Variants in MACROH2A2 observed in about 807,000 individuals in gnomAD.
MACROH2A2 encodes core histone macro-H2A.2.
MACROH2A2 carries 6 observed loss-of-function variants against 37.6 expected under a neutral mutation model. The observed-to-expected ratio is 0.16, with a 90% CI of 0.09 to 0.32. MACROH2A2 has a LOEUF of 0.32. Ranked by LOEUF, MACROH2A2 falls within the 10% of genes least tolerant of loss-of-function variation. MACROH2A2 has a pLI of 1.00. For synonymous variants in MACROH2A2, 192 were observed against 202.7 expected (o/e 0.95, Z 0.45); for missense variants, 290 against 485.9 (o/e 0.60, Z 3.79).
intron 6 of MACROH2A2, among the ~76,000 whole-genome samples, chr10:70,097,216 G>A (rs567598214): frequency 5.9e-5 from 9 of 152,174 alleles, no homozygotes; most frequent in Admixed American, 5.2e-4. Flanking sequence ...GTTCCAGGTC[G>A]GCCTGCCTGG....
intron 7 of MACROH2A2, among the ~76,000 whole-genome samples, chr10:70,103,347 A>G (rs1396455410): frequency 6.6e-6 from 1 of 152,206 alleles, no homozygotes; most frequent in Non-Finnish European, 1.5e-5. Context: ...TCTGCACAGA[A>G]TGAGAAGCTC....
At chr10:70,061,600 C>A (rs944032480) in intron 1 of MACROH2A2, among the ~76,000 whole-genome samples, 1 of 152,128 alleles carries the variant, frequency 6.6e-6, no homozygotes. Context: ...CTTAAATGCC[C>A]CTACCCCTTG....
chr10:70,060,206 C>T (rs1418398235), intron 1 of MACROH2A2, among the ~76,000 whole-genome samples: 2 of 151,854 alleles, frequency 1.3e-5, no homozygotes, highest in Non-Finnish European at 2.9e-5. Flanking sequence ...CCCATCTCTA[C>T]TAAAAACACA....
chr10:70,092,960 T>A (rs1404095292), intron 4 of MACROH2A2, among the ~76,000 whole-genome samples: 1 of 151,996 alleles, frequency 6.6e-6, no homozygotes, highest in Non-Finnish European at 1.5e-5. Flanking sequence ...GATAGAATAA[T>A]GTTTTCCTAT....
chr10:70,099,799 G>C (rs1346734150), intron 6 of MACROH2A2, among the ~76,000 whole-genome samples: 4 of 152,226 alleles, frequency 2.6e-5, no homozygotes, highest in Non-Finnish European at 4.4e-5. Flanking sequence ...CTGGGCCTCT[G>C]TCTGTCCTTT....
At chr10:70,104,938 C>A (rs2072327732) in intron 7 of MACROH2A2, among the ~76,000 whole-genome samples, 1 of 152,156 alleles carries the variant, frequency 6.6e-6, no homozygotes, top group Non-Finnish European at 1.5e-5. Flanking sequence ...ATGGTTAAAA[C>A]AGACCAACTG....
intron 1 of MACROH2A2, among the ~76,000 whole-genome samples, chr10:70,070,465 A>G (rs1003273644): frequency 6.6e-6 from 1 of 151,944 alleles, no homozygotes; most frequent in Non-Finnish European, 1.5e-5. Flanking sequence ...TTACTTGGCT[A>G]TTTTATCTTC....
At chr10:70,090,991 A>AT (rs2072241588) in intron 3 of MACROH2A2, among the ~76,000 whole-genome samples, 1 of 152,226 alleles carries the variant, frequency 6.6e-6, no homozygotes, top group East Asian at 1.9e-4. Flanking sequence ...TTGCAGATAA[A>AT]TTAACTTATA....
rs899660645 is a variant in MACROH2A2, at chr10:70,107,437, C to T, written c.779-1596C>T. Among the ~76,000 whole-genome samples the T allele has an allele frequency of 5.9e-5, 9 of 152,328 alleles. No individual in the cohort carries two copies. The highest frequency in any genetic ancestry group is 2.2e-4 in the African/African-American group (9 of 41,566). On this transcript the variant is annotated intron_variant, in intron 7 of 8. Transcript: ENST00000373255. The surrounding 1 kb of genome is among the most constrained non-coding windows in gnomAD (Gnocchi z 4.4). Reference sequence around the variant, plus strand: ...AGTGCTGCCCCTAGTGGCCACGGACCCTTGCTACGCCGATTCCTGGGTTCC... The same window carrying T: ...AGTGCTGCCCCTAGTGGCCACGGACTCTTGCTACGCCGATTCCTGGGTTCC...
chr10:70,065,033 T>A lies in MACROH2A2; in HGVS notation c.-59-10567T>A, dbSNP rs201707982. The stretch of plus-strand genomic sequence containing the variant: ...TCTTGTCCTTCATTCTTTTTTTTTT[T>A]CTTTTTTTTTTTTGAGACAGAGTCT... On this transcript the variant is annotated intron_variant, in intron 1 of 8. Transcript: ENST00000373255. Among the ~76,000 whole-genome samples the A allele has an allele frequency of 1.4e-3, 214 of 150,552 alleles. 1 individual carries two copies. The highest frequency in any genetic ancestry group is 2.2e-3 in the Non-Finnish European group (150 of 67,816).
chr10:70,097,261 A>G (rs1399257027), intron 6 of MACROH2A2, among the ~76,000 whole-genome samples: 1 of 152,046 alleles, frequency 6.6e-6, no homozygotes, highest in Non-Finnish European at 1.5e-5. Context: ...TTCCTAGCTG[A>G]CCTTTGGCAG....
rs1039528147 is a variant in MACROH2A2 at position 70,107,554 on chromosome 10, C to T, written c.779-1479C>T. Among the ~76,000 whole-genome samples the T allele has an allele frequency of 2.6e-5, 4 of 152,216 alleles. No homozygotes were observed. The highest frequency in any genetic ancestry group is 2.6e-4 in the Admixed American group (4 of 15,286). On this transcript the variant is annotated intron_variant, in intron 7 of 8. Coordinates refer to ENST00000373255, the MANE Select transcript of MACROH2A2 (RefSeq NM_018649.3). The surrounding 1 kb of genome is among the most constrained non-coding windows in gnomAD (Gnocchi z 4.4). ...GCCTCAGGCAGATCCGAGGGAACTG[C>T]TCCCCTGGGGAGTCCCACAGGGACT...
intron 2 of MACROH2A2, among the ~76,000 whole-genome samples, chr10:70,087,738 C>G (rs568663457): frequency 6.7e-4 from 102 of 152,324 alleles, no homozygotes; most frequent in Non-Finnish European, 1.4e-3. Flanking sequence ...GTGCCCCAAT[C>G]TTTGATTCAG....
In MACROH2A2 at chr10:70,088,199, TCACA is replaced by T. The variant is rs140293188; in HGVS notation, c.173-1852_173-1849del. ...CGCACACATATGCCCGCCTGCACAC[TCACA>T]CACACACAGTACATTCACGCACACA... is the stretch of plus-strand genomic sequence containing the variant. On this transcript the variant is annotated intron_variant, in intron 2 of 8. Transcript: ENST00000373255. Among the ~76,000 whole-genome samples the T allele has an allele frequency of 7.0e-3, 1,005 of 144,574 alleles. 4 individuals carry two copies. The highest frequency in any genetic ancestry group is 0.015 in the Admixed American group (221 of 14,410). The allele number at this position is 144,574 out of a possible 152,430, so 94.8% of individuals were successfully genotyped here.
chr10:70,072,880 C>G (rs1411513315), intron 1 of MACROH2A2, among the ~76,000 whole-genome samples: 1 of 152,094 alleles, frequency 6.6e-6, no homozygotes, highest in African/African-American at 2.4e-5. Flanking sequence ...TCGTTTGAAC[C>G]CCAGAGGCAG....
At chr10:70,058,653 T>TATATAC (rs1554821296) in intron 1 of MACROH2A2, among the ~76,000 whole-genome samples, 1 of 140,640 alleles carries the variant, frequency 7.1e-6, no homozygotes, top group African/African-American at 2.6e-5. Flanking sequence ...TATATATATA[T>TATATAC]ACACACACAC....
chr10:70,084,812 G>T (rs2072201313), intron 2 of MACROH2A2, among the ~76,000 whole-genome samples: 1 of 152,122 alleles, frequency 6.6e-6, no homozygotes, highest in Non-Finnish European at 1.5e-5. Flanking sequence ...GTGTTGCCCA[G>T]GCTGGTCTTG....
intron 1 of MACROH2A2, among the ~76,000 whole-genome samples, chr10:70,054,391 G>T (rs2072001087): frequency 6.6e-6 from 1 of 152,126 alleles, no homozygotes; most frequent in Non-Finnish European, 1.5e-5. Context: ...TCCAGCTTCT[G>T]TCCACCTCAG....
rs753566505 is a variant in MACROH2A2, at chr10:70,095,525, C to G, written c.589-129C>G. 82 of 583,808 alleles carry G rather than the reference C, an allele frequency of 1.4e-4. 1 individual carries two copies. The Middle Eastern group carries it at 6.8e-3, about 49-fold the overall frequency. The allele number at this position is 583,808 out of a possible 1,614,324, so 36.2% of individuals were successfully genotyped here. A position where few individuals can be genotyped will look rare whatever the true frequency, so the allele number is the denominator to read the frequency against. On this transcript the variant is annotated intron_variant, in intron 5 of 8. Transcript: ENST00000373255. ...ACCTGGGAAACTGGAGGTTGTCACT[C>G]TCTATGCAGCCCCTATGTTGACATT... is the stretch of plus-strand genomic sequence containing the variant.
Sources: allele counts gnomAD v4.1 joint callset (sites outside exome capture counted in the v4.1 genomes callset), GRCh38; gene constraint gnomAD v4.1.1; non-coding constraint Gnocchi (gnomAD v3.1); transcripts MANE v1.5; gene names NCBI Gene and HGNC (gene_info 2026-07-23, HGNC 2026-07-21).